Variants in NCKAP5 observed in about 807,000 individuals in gnomAD.
NCKAP5 encodes the protein nck-associated protein 5.
NCKAP5 carries 92 observed loss-of-function variants against 167.0 expected under a neutral mutation model. The ratio of observed to expected loss-of-function variants is 0.55; its 90% CI spans 0.47 to 0.66. The LOEUF (loss-of-function observed/expected upper bound fraction) is 0.66, where lower values mean the gene tolerates loss of function less well. Ranked by LOEUF, NCKAP5 falls within the 30% of genes least tolerant of loss-of-function variation. The pLI is 0.00. For synonymous variants in NCKAP5, 891 were observed against 877.4 expected (o/e 1.02, Z -0.27); for missense variants, 2,378 against 2,315.0 (o/e 1.03, Z -0.56).
chr2:133,413,601 TA>T (rs113817802), intron 3 of NCKAP5, among the ~76,000 whole-genome samples: 30,861 of 147,594 alleles, frequency 0.21, 3,217 homozygotes, highest in African/African-American at 0.24. Context: ...CAAAACCAGG[TA>T]AAAAAAAAAA....
intron 8 of NCKAP5, among the ~76,000 whole-genome samples, chr2:132,896,796 G>C (rs1454956806): frequency 6.6e-6 from 1 of 152,170 alleles, no homozygotes; most frequent in Non-Finnish European, 1.5e-5. Flanking sequence ...GTTATCCAGA[G>C]ACCTGGCTTT....
intron 10 of NCKAP5, among the ~76,000 whole-genome samples, chr2:132,866,950 C>T (rs1261190371): frequency 7.9e-5 from 12 of 152,160 alleles, no homozygotes; most frequent in Admixed American, 7.9e-4. Context: ...GCACACATTT[C>T]TGCAGAACAT....
intron 2 of NCKAP5, among the ~76,000 whole-genome samples, chr2:133,546,185 C>T (rs1392509139): frequency 2.0e-5 from 3 of 150,836 alleles, no homozygotes; most frequent in African/African-American, 4.9e-5. Context: ...TCTTCAGATA[C>T]AGTGAAGTAC....
the NCKAP5 span, among the ~76,000 whole-genome samples, chr2:133,605,980 C>T: frequency 6.6e-5 from 10 of 152,028 alleles, no homozygotes; most frequent in East Asian, 1.9e-4. Context: ...GAAATTGAAG[C>T]GAACTATCTC....
chr2:132,811,141 TG>T (rs754485377), intron 11 of NCKAP5, among the ~76,000 whole-genome samples: 2 of 152,202 alleles, frequency 1.3e-5, no homozygotes, highest in Non-Finnish European at 2.9e-5. Context: ...CTCTCAGCCA[TG>T]GATACCAGCA....
At chr2:133,562,804 C>T (rs1355478042) in intron 1 of NCKAP5, among the ~76,000 whole-genome samples, 1 of 152,098 alleles carries the variant, frequency 6.6e-6, no homozygotes, top group Non-Finnish European at 1.5e-5. Flanking sequence ...GGGGAAGTAC[C>T]CTGTGTAATT....
chr2:133,435,099 A>T (rs1690390601), intron 3 of NCKAP5, among the ~76,000 whole-genome samples: 1 of 152,150 alleles, frequency 6.6e-6, no homozygotes, highest in African/African-American at 2.4e-5. Flanking sequence ...ACCATCTGGG[A>T]TAGGTCAAGA....
rs79239913 is a variant in NCKAP5, at chr2:132,938,586, C to A, written c.579+25134G>T. Among the ~76,000 whole-genome samples, 1,328 of 152,250 alleles carry A rather than the reference C, an allele frequency of 8.7e-3. 24 individuals are homozygous for A. The highest frequency in any genetic ancestry group is 0.031 in the African/African-American group (1,272 of 41,550). On this transcript the variant is annotated intron_variant, in intron 8 of 19. Transcript: ENST00000409261. ...AGACTGCCTGGTTAAAGTCTTGGTG[C>A]TCCACCATGTCTCTGTGTGTAAAGG...
At chr2:133,580,905 C>T in the NCKAP5 span, among the ~76,000 whole-genome samples, 4 of 152,192 alleles carry the variant, frequency 2.6e-5, no homozygotes, top group African/African-American at 9.7e-5. Flanking sequence ...AAATGAATAG[C>T]TCCAAACTCA....
At chr2:133,479,314 G>A (rs1272967601) in intron 3 of NCKAP5, among the ~76,000 whole-genome samples, 1 of 152,174 alleles carries the variant, frequency 6.6e-6, no homozygotes, top group African/African-American at 2.4e-5. Flanking sequence ...TAATCCTTAT[G>A]AATTTATAAG....
intron 3 of NCKAP5, among the ~76,000 whole-genome samples, chr2:133,474,439 T>C (rs10206425): frequency 0.18 from 26,709 of 152,084 alleles, 4,672 homozygotes; most frequent in African/African-American, 0.46. Context: ...TCGAAGGACA[T>C]AGAATTTCAC....
chr2:133,605,462 G>A, the NCKAP5 span, among the ~76,000 whole-genome samples: 1 of 152,168 alleles, frequency 6.6e-6, no homozygotes, highest in African/African-American at 2.4e-5. Context: ...TAAAGGGGAT[G>A]AAGACCCGGG....
chr2:133,274,420 T>C (rs374742109), intron 4 of NCKAP5, among the ~76,000 whole-genome samples: 4 of 152,178 alleles, frequency 2.6e-5, no homozygotes, highest in African/African-American at 9.6e-5. Flanking sequence ...AGTGATGGAT[T>C]GGAAGACTCA....
At chr2:132,680,532 G>A (rs1461147636) in intron 19 of NCKAP5, among the ~76,000 whole-genome samples, 1 of 152,184 alleles carries the variant, frequency 6.6e-6, no homozygotes, top group Admixed American at 6.5e-5. Context: ...GAGAAGGTCA[G>A]TGGGAAGCTT....
chr2:133,295,426 TAAAAC>T (rs983453637), intron 4 of NCKAP5, among the ~76,000 whole-genome samples: 1 of 152,168 alleles, frequency 6.6e-6, no homozygotes. Flanking sequence ...GTTCTACAAT[TAAAAC>T]AAAATGTTTA....
intron 3 of NCKAP5, among the ~76,000 whole-genome samples, chr2:133,454,106 C>T (rs1314142688): frequency 6.6e-6 from 1 of 151,832 alleles, no homozygotes; most frequent in Non-Finnish European, 1.5e-5. Context: ...AACTGGTTGC[C>T]TATAATAAGA....
At chr2:133,279,532 T>C (rs183798310) in intron 4 of NCKAP5, among the ~76,000 whole-genome samples, 1 of 152,222 alleles carries the variant, frequency 6.6e-6, no homozygotes, top group African/African-American at 2.4e-5. Context: ...TTGTCCAATA[T>C]ACTTTTTTTT....
chr2:132,992,084 T>C (rs1168701922), intron 7 of NCKAP5, among the ~76,000 whole-genome samples: 1 of 152,190 alleles, frequency 6.6e-6, no homozygotes, highest in Non-Finnish European at 1.5e-5. Context: ...GTTTGTTAAA[T>C]GCACAGTGAC....
intron 6 of NCKAP5, among the ~76,000 whole-genome samples, chr2:133,037,492 A>G (rs1426145829): frequency 2.0e-5 from 3 of 152,146 alleles, no homozygotes; most frequent in Admixed American, 1.3e-4. Context: ...AAACAAATCC[A>G]CACACCTACA....
Sources: allele counts gnomAD v4.1 joint callset (sites outside exome capture counted in the v4.1 genomes callset), GRCh38; gene constraint gnomAD v4.1.1; transcripts MANE v1.5; gene names NCBI Gene and HGNC (gene_info 2026-07-23, HGNC 2026-07-21).